SHROOM2: variants seen among roughly 807,000 people sequenced by gnomAD.
SHROOM2 encodes shroom family member 2.
In SHROOM2, 33 loss-of-function variants were observed where a neutral mutation model predicts 75.9. That is an observed-to-expected ratio of 0.43 (90% confidence interval 0.33 to 0.58). The LOEUF (loss-of-function observed/expected upper bound fraction) is 0.58, where lower values mean the gene tolerates loss of function less well. SHROOM2 is among the 20% of genes least tolerant of loss of function. The pLI, the probability that SHROOM2 is intolerant of heterozygous loss-of-function variation, is 0.04. For missense variants in SHROOM2, 1,434 were observed against 1,461.2 expected (o/e 0.98, Z 0.30); for synonymous variants, 655 against 663.6 (o/e 0.99, Z 0.20).
chrX:9,912,838 C>G (rs1364498195), intron 5 of SHROOM2: 1 of 112,361 alleles, frequency 8.9e-6, no homozygotes. Flanking sequence ...AATCAGGGTG[C>G]AGATTCCGGC....
chrX:9,831,273 G>A (rs1372152921), intron 1 of SHROOM2, among the ~76,000 whole-genome samples: 1 of 112,401 alleles, frequency 8.9e-6, no homozygotes, highest in Non-Finnish European at 1.9e-5. Flanking sequence ...GTCTCCAAAT[G>A]AGGACAACCA....
chrX:9,891,215 G>A (rs1446272908), intron 3 of SHROOM2, 107 bp downstream of exon 3: 117 of 949,920 alleles, frequency 1.2e-4, no homozygotes, highest in Middle Eastern at 2.8e-4. Context: ...CTGGGCCACC[G>A]ACACATAATC....
Position 9,851,446 on chromosome X carries a change from C to CTTTTTTT in SHROOM2, c.166-22200_166-22194dup, listed in dbSNP as rs746715538. ...TAACAATGTTTCAACCAGGATATTG[C>CTTTTTTT]TTTTTTTTTTTTCTTTTTTTTTTGG... On this transcript the variant is annotated intron_variant, in intron 1 of 9. Transcript: ENST00000380913. Among the ~76,000 whole-genome samples the CTTTTTTT allele has an allele frequency of 1.2e-3, 75 of 63,171 alleles. 5 individuals carry two copies. Among genetic ancestry groups the CTTTTTTT allele is most frequent in the Non-Finnish European group, 1.7e-3 (63 of 36,209 alleles). 54.9% of individuals were successfully genotyped at this position (63,171 alleles called of 115,157 possible). A position where few individuals can be genotyped will look rare whatever the true frequency, so the allele number is the denominator to read the frequency against.
chrX:9,827,881 G>C (rs910295149), intron 1 of SHROOM2, among the ~76,000 whole-genome samples: 14 of 111,632 alleles, frequency 1.3e-4, no homozygotes, highest in Non-Finnish European at 2.3e-4. Context: ...CAGGCTAAAT[G>C]CTTTCCAGCA....
intron 1 of SHROOM2, among the ~76,000 whole-genome samples, chrX:9,845,700 C>A (rs755405057): frequency 9.0e-6 from 1 of 110,522 alleles, no homozygotes; most frequent in Non-Finnish European, 1.9e-5. Flanking sequence ...TCCGTCTCTG[C>A]TCCTCTCTGG....
At chrX:9,943,948 A>G (rs2084794146) in intron 8 of SHROOM2, among the ~76,000 whole-genome samples, 1 of 110,541 alleles carries the variant, frequency 9.0e-6, no homozygotes, top group Non-Finnish European at 1.9e-5. Flanking sequence ...TTGGGAGGCC[A>G]AGGCGGGTGG....
chrX:9,865,694 G>A (rs1242681370), intron 1 of SHROOM2, among the ~76,000 whole-genome samples: 1 of 106,943 alleles, frequency 9.4e-6, no homozygotes, highest in Non-Finnish European at 1.9e-5. Flanking sequence ...CCGAGTAGCT[G>A]GGACTACAGG....
intron 1 of SHROOM2, among the ~76,000 whole-genome samples, chrX:9,833,221 C>G (rs1677051934): frequency 9.0e-6 from 1 of 111,464 alleles, no homozygotes; most frequent in Admixed American, 9.5e-5. Flanking sequence ...TAACGGGAAT[C>G]TGCCAGTTGT....
chrX:9,942,123 C>T (rs1487750209), intron 8 of SHROOM2, among the ~76,000 whole-genome samples: 9 of 111,663 alleles, frequency 8.1e-5, no homozygotes, highest in Non-Finnish European at 1.5e-4. Flanking sequence ...CTGTTTTGTG[C>T]TTTTCCCTCA....
At chrX:9,933,368 A>T (rs1358504316) in intron 6 of SHROOM2, among the ~76,000 whole-genome samples, 1 of 110,716 alleles carries the variant, frequency 9.0e-6, no homozygotes, top group African/African-American at 3.3e-5. Context: ...CCTTTTGTTA[A>T]AGCAGAAGAA....
At chrX:9,791,906 AGAGGTT>A (rs1741629607) in intron 1 of SHROOM2, among the ~76,000 whole-genome samples, 2 of 108,234 alleles carry the variant, frequency 1.8e-5, no homozygotes, top group South Asian at 8.1e-4. Context: ...CCCGGGAGGC[AGAGGTT>A]GTGGTGAGCT....
At chrX:9,939,392 G>A (rs2084748663) in intron 8 of SHROOM2, 26 bp downstream of exon 8, 1 of 1,160,198 alleles carries the variant, frequency 8.6e-7, no homozygotes, top group South Asian at 2.0e-5. Flanking sequence ...CCAAATGACA[G>A]CGTGTGCGTG....
rs377422277 is a variant in SHROOM2, at chrX:9,895,090, C to T, written c.1182C>T (p.Asp394=). The change falls in exon 4 of 10, where the codon GAC becomes GAT. Residue 394 remains aspartate, a synonymous_variant. Transcript: ENST00000380913. ...GCTGCCCACAGGAGGCCCACGCAGA[C>T]GGCAGCTGGCCGCCCTCCAAGGATG... ...GPGCPQEAHA[D]GSWPPSKDGA... 31 of 1,208,201 alleles carry T rather than the reference C, an allele frequency of 2.6e-5. 1 individual carries two copies. The highest frequency in any genetic ancestry group is 2.2e-4 in the Admixed American group (10 of 45,736).
rs139774143 is a variant in SHROOM2 at position 9,931,857 on chromosome X, A to G, written c.2892-318A>G. 7.3e-3 allele frequency among the ~76,000 whole-genome samples: 813 copies of G among 111,107 alleles called. 6 individuals are homozygous for G. Among genetic ancestry groups the G allele is most frequent in the African/African-American group, 0.025 (754 of 30,535 alleles). On this transcript the variant is annotated intron_variant, in intron 5 of 9. Transcript: ENST00000380913. Reference sequence around the variant, plus strand: ...CCACAAACATTAATGTTGTTTCTAAAGTTTTTGTTCATTTATTCCTGCAAA... The same window carrying G: ...CCACAAACATTAATGTTGTTTCTAAGGTTTTTGTTCATTTATTCCTGCAAA...
chrX:9,914,991 G>C (rs1009843013), intron 5 of SHROOM2, among the ~76,000 whole-genome samples: 1 of 112,073 alleles, frequency 8.9e-6, no homozygotes, highest in Admixed American at 9.5e-5. Flanking sequence ...TGGGAGTGAA[G>C]TACAGAAACC....
At chrX:9,792,084 TA>T (rs2083660165) in intron 1 of SHROOM2, among the ~76,000 whole-genome samples, 3 of 12,264 alleles carry the variant, frequency 2.4e-4, no homozygotes, top group African/African-American at 7.0e-4. Flanking sequence ...TAGAATAGAA[TA>T]GAATAGAATA....
intron 6 of SHROOM2, among the ~76,000 whole-genome samples, chrX:9,935,102 G>A (rs778162999): frequency 2.8e-4 from 31 of 110,925 alleles, no homozygotes; most frequent in Admixed American, 7.7e-4. Context: ...ACCTGTGAAG[G>A]GAGATTTGTT....
rs183701518 is a variant in SHROOM2 at position 9,944,889 on chromosome X, C to T, written c.4560C>T (p.Asp1520=). The change falls in exon 9 of 10, where the codon GAC becomes GAT. Residue 1520 remains aspartate (D), a synonymous_variant. Coordinates refer to ENST00000380913, the MANE Select transcript of SHROOM2 (RefSeq NM_001649.4). The part of the protein sequence containing the change: ...ARVENALNNL[D]DGASPGDRQS... ...TGGAGAATGCCCTCAATAATTTGGA[C>T]GACGGCGCTTCTCCCGGTGATCGGG... 53 of 1,204,219 alleles carry T rather than the reference C, an allele frequency of 4.4e-5. No homozygotes were observed. The Admixed American group carries it at 7.5e-4, about 17-fold the overall frequency.
intron 1 of SHROOM2, among the ~76,000 whole-genome samples, chrX:9,866,041 C>G (rs1447179699): frequency 3.7e-5 from 4 of 108,350 alleles, no homozygotes; most frequent in Non-Finnish European, 7.7e-5. Flanking sequence ...CACCGCAACT[C>G]CCTTCCCTGC....
Sources: allele counts gnomAD v4.1 joint callset (sites outside exome capture counted in the v4.1 genomes callset), GRCh38; gene constraint gnomAD v4.1.1; transcripts MANE v1.5; gene names NCBI Gene and HGNC (gene_info 2026-07-23, HGNC 2026-07-21).